The following CAMK4 variants were observed in gnomAD, a reference collection of about 807,000 sequenced individuals.
CAMK4 encodes the protein calcium/calmodulin-dependent protein kinase type IV.
A neutral mutation model predicts 44.9 loss-of-function variants in CAMK4; 22 were observed. That is an observed-to-expected ratio of 0.49 (90% CI 0.35 to 0.70). The LOEUF (loss-of-function observed/expected upper bound fraction) is 0.70, where lower values mean the gene tolerates loss of function less well. Ranked by LOEUF, CAMK4 falls within the 30% of genes least tolerant of loss-of-function variation. The pLI is 0.01. For synonymous variants in CAMK4, 218 were observed against 215.4 expected, an observed-to-expected ratio of 1.01 and a Z score of -0.11; for missense variants, 498 against 586.8, an observed-to-expected ratio of 0.85 and a Z score of 1.56.
At chr5:111,396,628 A>ATTTTTTTT (rs1210775733) in intron 5 of CAMK4, among the ~76,000 whole-genome samples, 16 of 41,294 alleles carry the variant, frequency 3.9e-4, no homozygotes, top group African/African-American at 1.0e-3. Flanking sequence ...ATTAACTCAT[A>ATTTTTTTT]TTCTTTTTTT....
chr5:111,478,324 G>A, intron 8 of CAMK4, 57 bp from the exon 9 acceptor site: 1 of 1,134,194 alleles, frequency 8.8e-7, no homozygotes, highest in East Asian at 2.6e-5. Context: ...ACAGAAATTG[G>A]ATGAAATATA....
At chr5:111,286,336 T>C (rs1348023045) in intron 1 of CAMK4, among the ~76,000 whole-genome samples, 1 of 152,178 alleles carries the variant, frequency 6.6e-6, no homozygotes, top group Non-Finnish European at 1.5e-5. Context: ...CACAATACCA[T>C]ATAGATGATT....
At chr5:111,363,250 A>G (rs2112800223) in intron 2 of CAMK4, among the ~76,000 whole-genome samples, 1 of 152,214 alleles carries the variant, frequency 6.6e-6, no homozygotes, top group East Asian at 1.9e-4. Flanking sequence ...AATAACATGA[A>G]AAAATGTCAT....
intron 1 of CAMK4, among the ~76,000 whole-genome samples, chr5:111,295,939 T>C (rs923941265): frequency 2.0e-5 from 3 of 152,258 alleles, no homozygotes; most frequent in African/African-American, 7.2e-5. Flanking sequence ...TGCTACGTAG[T>C]TGAACATAGT....
chr5:111,304,005 A>T (rs1256876671), intron 1 of CAMK4, among the ~76,000 whole-genome samples: 6 of 84,832 alleles, frequency 7.1e-5, no homozygotes, highest in Non-Finnish European at 1.3e-4. Context: ...AAGCTTCATA[A>T]GTGAAGGAGA....
In CAMK4 at chr5:111,229,412, A is replaced by C. The variant is rs73786820; in HGVS notation, c.161+4768A>C. ...CCACGATGAGGGGTTTAGCTGCATAACCTCATACTAAACATAATTACCTTC... is the reference window on the plus strand; with the variant it reads ...CCACGATGAGGGGTTTAGCTGCATACCCTCATACTAAACATAATTACCTTC... On this transcript the variant is annotated intron_variant, in intron 1 of 10. Coordinates refer to ENST00000282356, the MANE Select transcript of CAMK4 (RefSeq NM_001744.6). Among the ~76,000 whole-genome samples, 649 of 152,290 alleles carry C rather than the reference A, an allele frequency of 4.3e-3. 4 individuals are homozygous for C. Among genetic ancestry groups the C allele is most frequent in the African/African-American group, 0.015 (620 of 41,568 alleles).
intron 7 of CAMK4, among the ~76,000 whole-genome samples, chr5:111,455,183 AC>A (rs1422335462): frequency 6.6e-6 from 1 of 152,210 alleles, no homozygotes; most frequent in South Asian, 2.1e-4. Context: ...CTAATTATTA[AC>A]AATTGAAGAA....
intron 1 of CAMK4, among the ~76,000 whole-genome samples, chr5:111,341,625 A>C (rs1313100502): frequency 6.6e-6 from 1 of 151,352 alleles, no homozygotes; most frequent in African/African-American, 2.4e-5. Flanking sequence ...TTTCTTGTAA[A>C]AATTATAAAA....
intron 6 of CAMK4, among the ~76,000 whole-genome samples, chr5:111,447,416 T>C (rs898225449): frequency 1.3e-5 from 2 of 152,212 alleles, no homozygotes; most frequent in African/African-American, 4.8e-5. Flanking sequence ...ACCTTTAACC[T>C]GTTAACATAT....
chr5:111,357,564 G>A (rs942586805), intron 2 of CAMK4, among the ~76,000 whole-genome samples: 50 of 146,360 alleles, frequency 3.4e-4, no homozygotes, highest in Non-Finnish European at 4.5e-4. Flanking sequence ...TAAACAGGAC[G>A]AAAAGAAAGC....
intron 1 of CAMK4, among the ~76,000 whole-genome samples, chr5:111,338,021 C>T (rs991257848): frequency 1.3e-5 from 2 of 151,114 alleles, no homozygotes; most frequent in Admixed American, 1.3e-4. Context: ...TTCCATTTCC[C>T]AAATGACTAA....
At chr5:111,348,547 G>A (rs1041955556) in intron 2 of CAMK4, among the ~76,000 whole-genome samples, 2 of 151,770 alleles carry the variant, frequency 1.3e-5, no homozygotes, top group African/African-American at 4.8e-5. Context: ...TTAATATATA[G>A]AGACCTATAT....
chr5:111,225,878 G>A (rs866965515), intron 1 of CAMK4, among the ~76,000 whole-genome samples: 2 of 152,166 alleles, frequency 1.3e-5, no homozygotes, highest in African/African-American at 4.8e-5. Flanking sequence ...ACTGAATAAT[G>A]TATACATAAA....
intron 1 of CAMK4, among the ~76,000 whole-genome samples, chr5:111,272,338 G>C (rs1216553366): frequency 6.6e-6 from 1 of 151,932 alleles, no homozygotes. Context: ...CATCTCTGTT[G>C]TGCTACAGAA....
At chr5:111,394,375 G>A (rs1751919344) in intron 4 of CAMK4, among the ~76,000 whole-genome samples, 1 of 152,108 alleles carries the variant, frequency 6.6e-6, no homozygotes, top group Non-Finnish European at 1.5e-5. Context: ...TACAGATAAA[G>A]CTATGTGACA....
chr5:111,412,543 A>G (rs758020622), intron 5 of CAMK4, among the ~76,000 whole-genome samples: 1 of 152,256 alleles, frequency 6.6e-6, no homozygotes, highest in Non-Finnish European at 1.5e-5. Flanking sequence ...AGGACAATAG[A>G]GCAAGTGTCT....
At chr5:111,399,935 T>C (rs1443781908) in intron 5 of CAMK4, among the ~76,000 whole-genome samples, 3 of 152,166 alleles carry the variant, frequency 2.0e-5, no homozygotes, top group Non-Finnish European at 4.4e-5. Context: ...AAAATGGATG[T>C]TCTCAGCATC....
At chr5:111,392,479 A>C (rs755429535) in intron 4 of CAMK4, among the ~76,000 whole-genome samples, 3 of 152,100 alleles carry the variant, frequency 2.0e-5, no homozygotes, top group Non-Finnish European at 2.9e-5. Flanking sequence ...AAAAATCCAA[A>C]CCATATCAGC....
intron 5 of CAMK4, among the ~76,000 whole-genome samples, chr5:111,424,421 T>C (rs910623459): frequency 2.7e-5 from 4 of 150,244 alleles, no homozygotes. Context: ...TATGCATATA[T>C]GCATCTTCTA....
Sources: allele counts gnomAD v4.1 joint callset (sites outside exome capture counted in the v4.1 genomes callset), GRCh38; gene constraint gnomAD v4.1.1; transcripts MANE v1.5; gene names NCBI Gene and HGNC (gene_info 2026-07-23, HGNC 2026-07-21).